OARD1: variants seen among roughly 807,000 people sequenced by gnomAD.
The protein encoded by OARD1 is O-acyl-ADP-ribose deacylase 1.
Under a neutral mutation model 19.7 loss-of-function variants are expected in OARD1, and 19 were observed. The ratio of observed to expected loss-of-function variants is 0.96; its 90% CI spans 0.67 to 1.41. OARD1 has a LOEUF of 1.41. OARD1 is among the 40% of genes most tolerant of loss of function. The pLI, the probability that OARD1 is intolerant of heterozygous loss-of-function variation, is 0.00. For synonymous variants in OARD1, 70 were observed against 61.8 expected (o/e 1.13, Z -0.62); for missense variants, 190 against 183.8 (o/e 1.03, Z -0.20).
intron 1 of OARD1, chr6:41,089,463 TCTTTTTTC>T: frequency 8.3e-7 from 1 of 1,202,996 alleles, no homozygotes; most frequent in Non-Finnish European, 1.1e-6. Flanking sequence ...GAGCAGGACT[TCTTTTTTC>T]CTCTTCAGAA....
upstream of OARD1, among the ~76,000 whole-genome samples, chr6:41,077,144 C>T (rs1031718910): frequency 2.0e-5 from 3 of 152,112 alleles, no homozygotes; most frequent in African/African-American, 7.2e-5. Flanking sequence ...GAAAAAATCT[C>T]ATATAAGAAG....
intron 1 of OARD1, chr6:41,089,778 A>C (rs569816346): frequency 1.6e-5 from 25 of 1,569,010 alleles, no homozygotes; most frequent in African/African-American, 4.1e-5. Context: ...TGAGTCAGAT[A>C]TTTCATGTAT....
In OARD1 at chr6:41,071,485, TAG is replaced by T. The variant is rs1430603403; in HGVS notation, c.39+109_39+110del. ...TTGAGCCTTTTTAAAGTAAATCAGC[TAG>T]AGAGAAAAAAAGATAATGCAATCAT... On this transcript the variant is annotated intron_variant, in intron 2 of 5. Coordinates refer to ENST00000424266, the MANE Select transcript of OARD1 (RefSeq NM_001329686.2). The T allele has an allele frequency of 6.3e-6, 7 of 1,118,816 alleles. No individual in the cohort carries two copies. The African/African-American group carries it at 1.1e-4, about 17-fold the overall frequency. 69.3% of individuals were successfully genotyped at this position (1,118,816 alleles called of 1,614,324 possible).
intron 3 of OARD1, 91 bp from the exon 4 acceptor site, chr6:41,070,225 C>T (rs1376501135): frequency 1.3e-6 from 1 of 758,868 alleles, no homozygotes; most frequent in African/African-American, 1.8e-5. Flanking sequence ...CTGAGTTTAC[C>T]TCAGAACTAG....
At chr6:41,079,542 TTC>T (rs1763850899) in intron 1 of OARD1, among the ~76,000 whole-genome samples, 1 of 152,236 alleles carries the variant, frequency 6.6e-6, no homozygotes, top group South Asian at 2.1e-4. Flanking sequence ...CCAATAAATC[TTC>T]TGTTTTTTGA....
At chr6:41,084,059 C>G in intron 1 of OARD1, 1 of 1,607,504 alleles carries the variant, frequency 6.2e-7, no homozygotes, top group Non-Finnish European at 8.5e-7. Flanking sequence ...CAAGGGCAGC[C>G]ATTAATGGTG....
intron 1 of OARD1, among the ~76,000 whole-genome samples, chr6:41,090,490 A>T (rs1311627900): frequency 2.0e-5 from 3 of 152,208 alleles, no homozygotes; most frequent in African/African-American, 4.8e-5. Flanking sequence ...TGTGACCAAC[A>T]GTGATTCCAT....
At position 41,066,147 on chromosome 6, in the gene OARD1, G is replaced by A. The variant is rs1156796586; in HGVS notation, c.*1188C>T. The A allele has an allele frequency of 2.6e-5, 4 of 152,008 alleles. No homozygotes were observed. The highest frequency in any genetic ancestry group is 9.7e-5 in the African/African-American group (4 of 41,346). 9.4% of individuals were successfully genotyped at this position (152,008 alleles called of 1,614,324 possible). A position where few individuals can be genotyped will look rare whatever the true frequency, so the allele number is the denominator to read the frequency against. ...CCACCAAATTTTTTTTTTTAATTGA[G>A]ATAGGGTCTTGCTCTGTTGCCCACA... On this transcript the variant is annotated 3_prime_UTR_variant, in exon 6 of 6. Coordinates refer to ENST00000424266, the MANE Select transcript of OARD1 (RefSeq NM_001329686.2).
chr6:41,087,243 A>G (rs1462979755), intron 1 of OARD1, among the ~76,000 whole-genome samples: 2 of 152,222 alleles, frequency 1.3e-5, no homozygotes, highest in Non-Finnish European at 2.9e-5. Flanking sequence ...AATGCCAATT[A>G]TGAGCTGAGT....
chr6:41,078,645 G>A (rs1427815994), intron 1 of OARD1, among the ~76,000 whole-genome samples: 1 of 152,138 alleles, frequency 6.6e-6, no homozygotes, highest in Non-Finnish European at 1.5e-5. Context: ...TAACATGTTT[G>A]GTGGGAAGCA....
chr6:41,077,232 G>A (rs1425966933), upstream of OARD1, among the ~76,000 whole-genome samples: 1 of 152,100 alleles, frequency 6.6e-6, no homozygotes, highest in Non-Finnish European at 1.5e-5. Context: ...TCAATTTATT[G>A]AGAGATACTT....
chr6:41,075,218 C>T (rs1763700639), upstream of OARD1: 1 of 152,102 alleles, frequency 6.6e-6, no homozygotes, highest in Admixed American at 6.5e-5. Context: ...ACAGGGCTTT[C>T]CTCTGTCATC....
rs1762980182 is a variant in OARD1 at position 41,065,715 on chromosome 6, G to T, written c.*1620C>A. The T allele has an allele frequency of 6.6e-6, 1 of 152,154 alleles. No individual in the cohort carries two copies. The highest frequency in any genetic ancestry group is 6.5e-5 in the Admixed American group (1 of 15,278). The allele number at this position is 152,154 out of a possible 1,614,324, so 9.4% of individuals were successfully genotyped here. On this transcript the variant is annotated 3_prime_UTR_variant, in exon 6 of 6. Transcript: ENST00000424266. ...TGAAACTGTTGCCTCTTATCAGGCT[G>T]ATATGTGATAAGAACACAGTCTAAA...
Position 41,066,070 on chromosome 6 carries a change from C to T in OARD1, c.*1265G>A, listed in dbSNP as rs771788885. 1.3e-5 allele frequency: 2 copies of T among 152,212 alleles called. No homozygotes were observed. Among genetic ancestry groups the T allele is most frequent in the Non-Finnish European group, 2.9e-5 (2 of 68,048 alleles). 9.4% of individuals were successfully genotyped at this position (152,212 alleles called of 1,614,324 possible). The stretch of plus-strand genomic sequence containing the variant: ...AATATTTAGACCCCAGCTGGCTGCA[C>T]ATCCAAATCTTCTATGGAGGTTAAA... On this transcript the variant is annotated 3_prime_UTR_variant, in exon 6 of 6. Transcript: ENST00000424266.
At chr6:41,094,389 G>A (rs377167290) in intron 1 of OARD1, 29 of 1,612,206 alleles carry the variant, frequency 1.8e-5, no homozygotes, top group Middle Eastern at 1.7e-4. Flanking sequence ...TTTATTTCTC[G>A]TTTTAGAAAT....
At chr6:41,086,272 G>A (rs184423517) in intron 1 of OARD1, among the ~76,000 whole-genome samples, 2 of 152,086 alleles carry the variant, frequency 1.3e-5, no homozygotes, top group South Asian at 2.1e-4. Flanking sequence ...TTTAATTGTC[G>A]GTTTGCTCAT....
chr6:41,070,949 C>A (rs1052168248), intron 3 of OARD1, 183 bp downstream of exon 3: 1 of 636,132 alleles, frequency 1.6e-6, no homozygotes, highest in South Asian at 1.9e-5. Flanking sequence ...AGATTAAAAA[C>A]CTTCACAGGA....
intron 1 of OARD1, among the ~76,000 whole-genome samples, chr6:41,086,188 A>G (rs1391517220): frequency 6.8e-6 from 1 of 146,786 alleles, no homozygotes; most frequent in Non-Finnish European, 1.5e-5. Context: ...GGAACAGTAT[A>G]CTGTGAGTGT....
At chr6:41,077,726 A>T (rs1290238469) in intron 1 of OARD1, among the ~76,000 whole-genome samples, 2 of 152,186 alleles carry the variant, frequency 1.3e-5, no homozygotes, top group African/African-American at 4.8e-5. Context: ...GTTGCTGATT[A>T]TATTTGCTCC....
Sources: gnomAD v4.1 joint callset for allele counts (sites outside exome capture counted in the v4.1 genomes callset) on GRCh38, gnomAD v4.1.1 for gene constraint, MANE v1.5 for transcripts, NCBI Gene and HGNC (gene_info 2026-07-23, HGNC 2026-07-21) for gene names.